Variants in BRSK2 observed in about 807,000 individuals in gnomAD.
BRSK2 encodes serine/threonine-protein kinase BRSK2.
In BRSK2, 19 loss-of-function variants were observed where a neutral mutation model predicts 83.3. The observed-to-expected ratio is 0.23, with a 90% CI of 0.16 to 0.33. The LOEUF (loss-of-function observed/expected upper bound fraction) is 0.33, where lower values mean the gene tolerates loss of function less well. BRSK2 is among the 10% of genes least tolerant of loss of function. The pLI, the probability that BRSK2 is intolerant of heterozygous loss-of-function variation, is 1.00. For synonymous variants in BRSK2, 519 were observed against 435.4 expected, an observed-to-expected ratio of 1.19 and a Z score of -2.39; for missense variants, 798 against 1,042.3, an observed-to-expected ratio of 0.77 and a Z score of 3.23.
chr11:1,460,486 T>G lies in BRSK2; in HGVS notation c.1988-14T>G. The G allele has an allele frequency of 6.9e-7, 1 of 1,453,300 alleles. No homozygotes were observed. Among genetic ancestry groups the G allele is most frequent in the Non-Finnish European group, 9.1e-7 (1 of 1,099,288 alleles). The allele number at this position is 1,453,300 out of a possible 1,614,324, so 90.0% of individuals were successfully genotyped here. ...CTTTTTTTTTTTTTTTTTGTCTCTGTTCTGTGTACCCAGGCAGCCCATTGA... is the reference window on the plus strand; with the variant it reads ...CTTTTTTTTTTTTTTTTTGTCTCTGGTCTGTGTACCCAGGCAGCCCATTGA... On this transcript the variant is annotated splice_polypyrimidine_tract_variant and intron_variant, in intron 19 of 19. Transcript: ENST00000528841.
At chr11:1,455,550 G>A (rs1398667800) in intron 16 of BRSK2, among the ~76,000 whole-genome samples, 1 of 152,032 alleles carries the variant, frequency 6.6e-6, no homozygotes, top group Non-Finnish European at 1.5e-5. Flanking sequence ...GGGACAGCTT[G>A]GAGCCCCTGC....
intron 1 of BRSK2, among the ~76,000 whole-genome samples, chr11:1,391,027 T>TGGAGCAGCCCCGC (rs1796699193): frequency 6.6e-6 from 1 of 151,954 alleles, no homozygotes; most frequent in Admixed American, 6.5e-5. Context: ...ACCTGACCCG[T>TGGAGCAGCCCCGC]GGAGCAGCCC....
Position 1,445,795 on chromosome 11 carries a change from C to G in BRSK2, c.1114C>G (p.Arg372Gly). 6.2e-7 allele frequency: 1 copy of G among 1,612,410 alleles called. No individual in the cohort carries two copies. Among genetic ancestry groups the G allele is most frequent in the Non-Finnish European group, 8.5e-7 (1 of 1,179,654 alleles). The stretch of plus-strand genomic sequence containing the variant: ...GCGTGTGGACTCCCCGATGCTGAAC[C>G]GGCACGGCAAGCGGCGGCCAGAACG... ...RKRVDSPMLN[R>G]HGKRRPERKS... The change falls in exon 12 of 20, where the codon CGG (arginine) becomes GGG (glycine). Residue 372 changes from arginine (R) to glycine (G), a missense_variant. By Grantham distance (125) the Arg-to-Gly change is moderately radical (BLOSUM62 -2). Coordinates refer to ENST00000528841, the MANE Select transcript of BRSK2 (RefSeq NM_001256627.2).
At position 1,396,244 on chromosome 11, in the gene BRSK2, C is replaced by CCCGCTCCTCGTCTCTCTTCCCTT. The variant is rs1846095401; in HGVS notation, c.91+5871_91+5872insGCTCCTCGTCTCTCTTCCCTTCC. On this transcript the variant is annotated intron_variant, in intron 1 of 19. Transcript: ENST00000528841. ...TCCCTCTTCCCTTCCACCCACGTCC[C>CCCGCTCCTCGTCTCTCTTCCCTT]CCACTCCTGGTCCCTCTTCCCTTCC... Among the ~76,000 whole-genome samples the CCCGCTCCTCGTCTCTCTTCCCTT allele has an allele frequency of 8.5e-5, 11 of 129,210 alleles. 1 individual carries two copies. In the South Asian group the frequency reaches 2.6e-3, roughly 31 times the overall value. 84.8% of individuals were successfully genotyped at this position (129,210 alleles called of 152,430 possible).
rs371620006 is a variant in BRSK2 at position 1,443,563 on chromosome 11, G to C, written c.708G>C (p.Pro236=). 1.1e-5 allele frequency: 18 copies of C among 1,610,404 alleles called. No individual in the cohort carries two copies. The highest frequency in any genetic ancestry group is 8.5e-6 in the Non-Finnish European group (10 of 1,178,888). ...TGAAGCGGGGCGTGTTCCACATGCCGCACTTTATCCCGCCCGACTGCCAGA... is the reference window on the plus strand; with the variant it reads ...TGAAGCGGGGCGTGTTCCACATGCCCCACTTTATCCCGCCCGACTGCCAGA... ...EKVKRGVFHM[P]HFIPPDCQSL... Residue 236 remains proline (P), a synonymous_variant, in exon 8 of 20, where the codon CCG becomes CCC. Coordinates refer to ENST00000528841, the MANE Select transcript of BRSK2 (RefSeq NM_001256627.2).
intron 1 of BRSK2, among the ~76,000 whole-genome samples, chr11:1,415,559 C>T (rs1848014984): frequency 1.3e-5 from 2 of 152,204 alleles, no homozygotes; most frequent in East Asian, 1.9e-4. Context: ...TTGTGTTTAA[C>T]TTTGAGGAGC....
intron 16 of BRSK2, among the ~76,000 whole-genome samples, chr11:1,455,592 T>TGGGCA (rs1449890273): frequency 6.6e-6 from 1 of 152,046 alleles, no homozygotes; most frequent in Non-Finnish European, 1.5e-5. Context: ...AGCCCAGCGC[T>TGGGCA]GGGCAGGGCA....
In BRSK2 at chr11:1,425,787, C is replaced by T. The variant is rs113014351; in HGVS notation, c.92-10253C>T. 1.0e-3 allele frequency among the ~76,000 whole-genome samples: 152 copies of T among 152,264 alleles called. 1 individual carries two copies. Among genetic ancestry groups the T allele is most frequent in the African/African-American group, 3.3e-3 (138 of 41,550 alleles). ...TGGGCGAGGGTGGGTAGCAGGCACC[C>T]GACAGGGTCCCCAGGTGGCACTCCA... is the stretch of plus-strand genomic sequence containing the variant. On this transcript the variant is annotated intron_variant, in intron 1 of 19. Transcript: ENST00000528841.
chr11:1,399,522 C>T (rs1007600562), intron 1 of BRSK2, among the ~76,000 whole-genome samples: 12 of 152,010 alleles, frequency 7.9e-5, no homozygotes, highest in African/African-American at 2.4e-4. Context: ...AGAGGGGAGC[C>T]GTGAGCCGTG....
intron 1 of BRSK2, among the ~76,000 whole-genome samples, chr11:1,429,553 T>C (rs1209509411): frequency 8.9e-6 from 1 of 112,928 alleles, no homozygotes; most frequent in Admixed American, 8.5e-5. Context: ...TCTTCTGCGG[T>C]CTGGTCAGGT....
chr11:1,410,440 G>A (rs1421909850), intron 1 of BRSK2: 7 of 985,378 alleles, frequency 7.1e-6, no homozygotes, highest in Non-Finnish European at 7.2e-6. Context: ...TGCAGAGTCC[G>A]TGTTTGGGGG....
intron 2 of BRSK2, among the ~76,000 whole-genome samples, chr11:1,436,716 C>T (rs988706310): frequency 3.3e-5 from 5 of 152,034 alleles, no homozygotes; most frequent in African/African-American, 4.8e-5. Flanking sequence ...CCAGCTGCTC[C>T]GGGTCCCACC....
intron 1 of BRSK2, among the ~76,000 whole-genome samples, chr11:1,422,827 G>T (rs992361063): frequency 3.3e-5 from 5 of 152,162 alleles, no homozygotes; most frequent in Non-Finnish European, 7.4e-5. Flanking sequence ...CAGGACCGAG[G>T]GGGTGACGGA....
intron 1 of BRSK2, among the ~76,000 whole-genome samples, chr11:1,393,932 T>TC (rs1467780045): frequency 4.6e-5 from 2 of 43,062 alleles, no homozygotes; most frequent in Admixed American, 3.1e-4. Flanking sequence ...TGGAGATGGG[T>TC]CCTGGAGATG....
chr11:1,445,892 C>A lies in BRSK2; in HGVS notation c.1211C>A (p.Ala404Asp), dbSNP rs1424669841. 6.2e-7 allele frequency: 1 copy of A among 1,609,768 alleles called. No homozygotes were observed. The highest frequency in any genetic ancestry group is 1.7e-5 in the Admixed American group (1 of 59,900). The change falls in exon 12 of 20, where the codon GCC becomes GAC. Residue 404 changes from alanine to aspartate, a missense_variant. Ala to Asp is a moderately radical substitution (Grantham distance 126). Coordinates refer to ENST00000528841, the MANE Select transcript of BRSK2 (RefSeq NM_001256627.2). ...PVPARRAIEM[A>D]QHGQRSRSIS... ...CCTGCGCGGCGGGCCATTGAGATGG[C>A]CCAGCACGGCCAGAGGTGTGTGTGC...
intron 1 of BRSK2, chr11:1,411,265 G>C: frequency 7.6e-7 from 1 of 1,307,408 alleles, no homozygotes; most frequent in Non-Finnish European, 9.7e-7. Flanking sequence ...TCCTGGGCCA[G>C]ATCAGCAGGA....
chr11:1,454,608 G>A lies in BRSK2; in HGVS notation c.1668G>A (p.Ser556=). ...CTGACATCGTGCACGCCTTCCTGTC[G>A]GTGAGGCCACAGGGCGCTGGGGGAG... ...IKADIVHAFL[S]IPSLSHSVIS... The change falls in exon 16 of 20, where the codon TCG becomes TCA. Residue 556 remains serine (S), a splice_region_variant and synonymous_variant. Coordinates refer to ENST00000528841, the MANE Select transcript of BRSK2 (RefSeq NM_001256627.2). The surrounding 1 kb of genome is among the most constrained non-coding windows in gnomAD (Gnocchi z 5.2). 6.2e-7 allele frequency: 1 copy of A among 1,612,730 alleles called. No homozygotes were observed. Among genetic ancestry groups the A allele is most frequent in the Non-Finnish European group, 8.5e-7 (1 of 1,179,864 alleles).
chr11:1,421,946 G>A (rs372994073), intron 1 of BRSK2, among the ~76,000 whole-genome samples: 7 of 151,842 alleles, frequency 4.6e-5, no homozygotes, highest in Admixed American at 2.0e-4. Flanking sequence ...ACCAGGGCCC[G>A]GGAGAGAGGG....
chr11:1,400,360 C>T (rs1229061714), intron 1 of BRSK2, among the ~76,000 whole-genome samples: 1 of 152,240 alleles, frequency 6.6e-6, no homozygotes, highest in African/African-American at 2.4e-5. Context: ...GATGCTGACG[C>T]TGGTTGGGGG....
Sources: allele counts gnomAD v4.1 joint callset (sites outside exome capture counted in the v4.1 genomes callset), GRCh38; gene constraint gnomAD v4.1.1; non-coding constraint Gnocchi (gnomAD v3.1); transcripts MANE v1.5; gene names NCBI Gene and HGNC (gene_info 2026-07-23, HGNC 2026-07-21).